PKD1L1: variants seen among roughly 807,000 people sequenced by gnomAD.
PKD1L1 encodes the protein polycystin 1 like 1, transient receptor potential channel interacting.
Under a neutral mutation model 323.4 loss-of-function variants are expected in PKD1L1, and 236 were observed. The ratio of observed to expected loss-of-function variants is 0.73; its 90% CI spans 0.66 to 0.81. The LOEUF is 0.81. PKD1L1 is among the 40% of genes least tolerant of loss of function. The pLI, the probability that PKD1L1 is intolerant of heterozygous loss-of-function variation, is 0.00. For synonymous variants in PKD1L1, 1,344 were observed against 1,335.0 expected, an observed-to-expected ratio of 1.01 and a Z score of -0.15; for missense variants, 3,320 against 3,508.0, an observed-to-expected ratio of 0.95 and a Z score of 1.35.
chr7:47,908,857 T>C (rs1787262070), intron 8 of PKD1L1, among the ~76,000 whole-genome samples: 1 of 152,210 alleles, frequency 6.6e-6, no homozygotes, highest in Non-Finnish European at 1.5e-5. Context: ...CTCTTTCTTG[T>C]CTTGGGACCT....
the PKD1L1 span, among the ~76,000 whole-genome samples, chr7:47,958,263 G>A: frequency 6.6e-6 from 1 of 152,074 alleles, no homozygotes; most frequent in Non-Finnish European, 1.5e-5. Context: ...ATGGAACAGA[G>A]AACCCAGGAA....
chr7:47,870,531 G>T (rs982252053), intron 24 of PKD1L1, among the ~76,000 whole-genome samples: 1 of 152,140 alleles, frequency 6.6e-6, no homozygotes, highest in Non-Finnish European at 1.5e-5. Flanking sequence ...AAAATTCCTA[G>T]AAAGAAACAA....
In PKD1L1 at chr7:47,931,215, A is replaced by G. The variant is rs1787765430; in HGVS notation, c.626T>C (p.Leu209Pro). 1.9e-6 allele frequency: 3 copies of G among 1,614,114 alleles called. No homozygotes were observed. The African/African-American group carries it at 4.0e-5, about 22-fold the overall frequency. ...CCAEDVATGL[L>P]PGTVTMETPT... ...GGTCTCCATCGTGACAGTCCCAGGAAGCAGCCCCGTGGCCACATCCTCCGC... is the reference window on the plus strand; with the variant it reads ...GGTCTCCATCGTGACAGTCCCAGGAGGCAGCCCCGTGGCCACATCCTCCGC... Residue 209 changes from leucine to proline, a missense_variant, in exon 6 of 57, where the codon CTT becomes CCT. Physicochemically the swap from Leu to Pro is moderately conservative, Grantham distance 98. Transcript: ENST00000289672.
intron 52 of PKD1L1, among the ~76,000 whole-genome samples, chr7:47,805,086 TACACACAC>T (rs59085691): frequency 0.14 from 21,197 of 149,848 alleles, 1,807 homozygotes; most frequent in African/African-American, 0.24. Flanking sequence ...CCTGTACAAA[TACACACAC>T]ACACACACAC....
intron 4 of PKD1L1, among the ~76,000 whole-genome samples, chr7:47,933,267 T>C (rs999039172): frequency 2.0e-5 from 3 of 152,148 alleles, no homozygotes; most frequent in African/African-American, 7.2e-5. Context: ...AGTTCAACAA[T>C]GTATAGCCAA....
chr7:47,819,662 A>C, intron 46 of PKD1L1: 4 of 1,024,632 alleles, frequency 3.9e-6, no homozygotes, highest in Non-Finnish European at 4.0e-6. Flanking sequence ...AAACAAAACA[A>C]CTTGGATTAC....
chr7:47,942,297 A>G lies in PKD1L1; in HGVS notation c.160+1099T>C, dbSNP rs139232785. 1.9e-3 allele frequency among the ~76,000 whole-genome samples: 290 copies of G among 152,270 alleles called. 2 individuals are homozygous for G. Among genetic ancestry groups the G allele is most frequent in the African/African-American group, 6.5e-3 (269 of 41,546 alleles). On this transcript the variant is annotated intron_variant, in intron 2 of 56. Transcript: ENST00000289672. ...AGTCTTCATGATGATTATGCTCTGT[A>G]CGTAAGCAGCAGCAGCAGGATGTCA... is the stretch of plus-strand genomic sequence containing the variant.
rs759241236 is a variant in PKD1L1 at position 47,877,556 on chromosome 7, T to G, written c.3596A>C (p.Gln1199Pro). 1.9e-6 allele frequency: 3 copies of G among 1,614,098 alleles called. No homozygotes were observed. In the Admixed American group the frequency reaches 5.0e-5, roughly 27 times the overall value. The change falls in exon 22 of 57, where the codon CAG (glutamine) becomes CCG (proline). Residue 1199 changes from glutamine (Q) to proline (P), a missense_variant. Gln to Pro is a moderately conservative substitution (Grantham distance 76). Transcript: ENST00000289672. ...TTCCAGACCATGGTGGGGCTGCACC[T>G]GACAGGCCATGTCCCGAGGAGCCGG... ...VNPAPRDMAC[Q>P]VQPHHGLEAH...
At chr7:47,902,228 C>T in intron 13 of PKD1L1, 151 bp downstream of exon 13, 1 of 1,212,008 alleles carries the variant, frequency 8.3e-7, no homozygotes. Context: ...CTCTGAAGCC[C>T]TTATAGGCAC....
chr7:47,912,258 G>C (rs1481414950), intron 8 of PKD1L1, among the ~76,000 whole-genome samples: 1 of 152,004 alleles, frequency 6.6e-6, no homozygotes, highest in Non-Finnish European at 1.5e-5. Flanking sequence ...AAGGGATGCA[G>C]AGGAAAATAT....
chr7:47,854,247 C>T (rs1054754722), intron 30 of PKD1L1, among the ~76,000 whole-genome samples: 4 of 152,102 alleles, frequency 2.6e-5, no homozygotes, highest in Non-Finnish European at 5.9e-5. Flanking sequence ...GCCCACCTAA[C>T]CAACCAGGAG....
In PKD1L1 at chr7:47,907,459, C is replaced by T. The variant is rs974681385; in HGVS notation, c.1402+618G>A. Among the ~76,000 whole-genome samples, 3 of 152,194 alleles carry T rather than the reference C, an allele frequency of 2.0e-5. No individual in the cohort carries two copies. In the South Asian group the frequency reaches 6.2e-4, roughly 32 times the overall value. On this transcript the variant is annotated intron_variant, in intron 9 of 56. Transcript: ENST00000289672. ...TGGCCTCTGAGCTTCCGGTCCCTCC[C>T]TCTACAAAACTGACATGAAGCAAAT...
chr7:47,958,870 G>A, the PKD1L1 span, among the ~76,000 whole-genome samples: 1,140 of 152,176 alleles, frequency 7.5e-3, 20 homozygotes, highest in African/African-American at 0.026. Context: ...CACTGATGCC[G>A]AGCCGAAGCT....
intron 18 of PKD1L1, among the ~76,000 whole-genome samples, chr7:47,885,209 A>C (rs1227976646): frequency 6.6e-6 from 1 of 152,202 alleles, no homozygotes; most frequent in African/African-American, 2.4e-5. Context: ...TGAGACCACC[A>C]TAGCCCAAGA....
intron 34 of PKD1L1, 83 bp downstream of exon 34, chr7:47,842,879 G>C: frequency 7.6e-7 from 1 of 1,317,032 alleles, no homozygotes; most frequent in Non-Finnish European, 1.0e-6. Context: ...TGACAGACGG[G>C]GCAGCCAAAT....
intron 28 of PKD1L1, among the ~76,000 whole-genome samples, chr7:47,856,656 CAGTA>C (rs1482285269): frequency 6.6e-6 from 1 of 152,140 alleles, no homozygotes; most frequent in African/African-American, 2.4e-5. Flanking sequence ...TCTCCACAAG[CAGTA>C]AGTGTTTTTA....
intron 42 of PKD1L1, 125 bp downstream of exon 42, chr7:47,831,092 G>GA: frequency 7.9e-7 from 1 of 1,271,410 alleles, no homozygotes; most frequent in East Asian, 2.3e-5. Flanking sequence ...AAATGAGGGA[G>GA]AAAATAGCAA....
At chr7:47,877,747 C>G in intron 21 of PKD1L1, 116 bp from the exon 22 acceptor site, 4 of 1,238,498 alleles carry the variant, frequency 3.2e-6, no homozygotes, top group Non-Finnish European at 4.4e-6. Flanking sequence ...GTCCCCAGAC[C>G]AGCAGCATCG....
At chr7:47,882,131 T>A (rs368775261) in intron 19 of PKD1L1, 46 bp from the exon 20 acceptor site, 46 of 1,588,464 alleles carry the variant, frequency 2.9e-5, no homozygotes, top group Non-Finnish European at 3.9e-5. Flanking sequence ...AAAAAAGTCA[T>A]GATGATCTTA....
Sources: allele counts gnomAD v4.1 joint callset (sites outside exome capture counted in the v4.1 genomes callset), GRCh38; gene constraint gnomAD v4.1.1; transcripts MANE v1.5; gene names NCBI Gene and HGNC (gene_info 2026-07-23, HGNC 2026-07-21).